Variants in ZDHHC21 observed in about 807,000 individuals in gnomAD.
ZDHHC21 encodes zDHHC palmitoyltransferase 21, also known as palmitoyltransferase ZDHHC21.
ZDHHC21 carries 15 observed loss-of-function variants against 34.6 expected under a neutral mutation model. The observed-to-expected ratio is 0.43, with a 90% CI of 0.29 to 0.67. The LOEUF (loss-of-function observed/expected upper bound fraction) is 0.67. ZDHHC21 is among the 30% of genes least tolerant of loss of function. The pLI is 0.14. For synonymous variants in ZDHHC21, 142 were observed against 101.8 expected (o/e 1.40, Z -2.38); for missense variants, 344 against 327.7 (o/e 1.05, Z -0.38).
Position 14,619,104 on chromosome 9 carries a change from G to C in ZDHHC21, c.666-6C>G. On this transcript the variant is annotated splice_region_variant and splice_polypyrimidine_tract_variant and intron_variant, in intron 9 of 9. Transcript: ENST00000380916. ...ATGGCTTTCGGGGCCTCGATCTACA[G>C]AAGACAGCATTATTAGTGAAAGACA... 1 of 1,603,160 alleles carries C rather than the reference G, an allele frequency of 6.2e-7. No homozygotes were observed. Among genetic ancestry groups the C allele is most frequent in the Non-Finnish European group, 8.5e-7 (1 of 1,175,306 alleles).
intron 3 of ZDHHC21, among the ~76,000 whole-genome samples, chr9:14,679,637 C>A (rs1837026751): frequency 6.6e-6 from 1 of 152,056 alleles, no homozygotes; most frequent in Non-Finnish European, 1.5e-5. Context: ...TTTCAATTAA[C>A]TTAAAAATAA....
At chr9:14,603,723 TTATC>T in the ZDHHC21 span, among the ~76,000 whole-genome samples, 2 of 152,260 alleles carry the variant, frequency 1.3e-5, no homozygotes, top group Non-Finnish European at 2.9e-5. Context: ...CTTTACAAAT[TTATC>T]TACCTGTGAA....
At chr9:14,619,254 T>C (rs1199487223) in intron 9 of ZDHHC21, among the ~76,000 whole-genome samples, 156 bp from the exon 10 acceptor site, 2 of 152,142 alleles carry the variant, frequency 1.3e-5, no homozygotes, top group Admixed American at 6.6e-5. Context: ...GGCATGCAGC[T>C]GAGTTTTAAC....
At chr9:14,598,695 A>T in the ZDHHC21 span, among the ~76,000 whole-genome samples, 1 of 152,178 alleles carries the variant, frequency 6.6e-6, no homozygotes, top group South Asian at 2.1e-4. Flanking sequence ...TACAAAAAAT[A>T]GAAAAGCAAT....
intron 2 of ZDHHC21, among the ~76,000 whole-genome samples, chr9:14,684,437 G>T (rs915516823): frequency 6.9e-6 from 1 of 145,614 alleles, no homozygotes; most frequent in South Asian, 2.3e-4. Flanking sequence ...AATCATGAGT[G>T]AACTCCCATT....
At chr9:14,624,874 A>T (rs555099868) in intron 8 of ZDHHC21, among the ~76,000 whole-genome samples, 8 of 152,194 alleles carry the variant, frequency 5.3e-5, no homozygotes, top group African/African-American at 1.9e-4. Flanking sequence ...TCATTACATT[A>T]TGTATACAAA....
intron 3 of ZDHHC21, among the ~76,000 whole-genome samples, chr9:14,678,012 C>T (rs1044673059): frequency 6.6e-6 from 1 of 152,050 alleles, no homozygotes; most frequent in African/African-American, 2.4e-5. Context: ...TTCACCTTAG[C>T]CTAAGCGGTC....
At chr9:14,674,612 A>C (rs1162893861) in intron 3 of ZDHHC21, among the ~76,000 whole-genome samples, 1 of 152,036 alleles carries the variant, frequency 6.6e-6, no homozygotes, top group Non-Finnish European at 1.5e-5. Flanking sequence ...CATAAGCTTC[A>C]AATAATTTCA....
the ZDHHC21 span, among the ~76,000 whole-genome samples, chr9:14,598,035 C>A: frequency 9.5e-4 from 144 of 152,278 alleles, 2 homozygotes; most frequent in African/African-American, 3.4e-3. Context: ...ACCACCACTA[C>A]TGGCATTATC....
At chr9:14,679,030 G>C (rs544545462) in intron 3 of ZDHHC21, among the ~76,000 whole-genome samples, 2 of 152,098 alleles carry the variant, frequency 1.3e-5, no homozygotes, top group Non-Finnish European at 1.5e-5. Flanking sequence ...GGAACTCTCT[G>C]TGGTGCTAAC....
chr9:14,668,520 C>G (rs1352501421), intron 5 of ZDHHC21, among the ~76,000 whole-genome samples: 1 of 134,972 alleles, frequency 7.4e-6, no homozygotes, highest in African/African-American at 2.9e-5. Context: ...TCATATGGAA[C>G]CAAAAAAGAG....
At chr9:14,685,489 C>G (rs970103571) in intron 2 of ZDHHC21, among the ~76,000 whole-genome samples, 6 of 151,690 alleles carry the variant, frequency 4.0e-5, no homozygotes, top group East Asian at 1.9e-4. Context: ...AAATGCAAAT[C>G]AAAACCACAA....
At chr9:14,659,850 G>A (rs1587235178) in intron 6 of ZDHHC21, among the ~76,000 whole-genome samples, 1 of 152,168 alleles carries the variant, frequency 6.6e-6, no homozygotes, top group South Asian at 2.1e-4. Context: ...TTTGCAAGCA[G>A]GATTATAAGA....
chr9:14,600,829 G>A, the ZDHHC21 span, among the ~76,000 whole-genome samples: 1 of 152,070 alleles, frequency 6.6e-6, no homozygotes, highest in Non-Finnish European at 1.5e-5. Flanking sequence ...CAGAACAGAG[G>A]CCTCAGAAAC....
chr9:14,688,768 A>T (rs963716337), intron 2 of ZDHHC21, among the ~76,000 whole-genome samples: 5 of 152,226 alleles, frequency 3.3e-5, no homozygotes, highest in African/African-American at 1.2e-4. Context: ...AGGCTGAGAC[A>T]GGAGAATTGC....
Position 14,653,211 on chromosome 9 carries a change from A to G in ZDHHC21, c.504+5538T>C, listed in dbSNP as rs192708335. 3.1e-3 allele frequency among the ~76,000 whole-genome samples: 472 copies of G among 152,122 alleles called. 2 individuals are homozygous for G. The highest frequency in any genetic ancestry group is 3.7e-3 in the South Asian group (18 of 4,818). The stretch of plus-strand genomic sequence containing the variant: ...TATTCACACATAGTTTTATACACAT[A>G]ATCAACAGCTGGATACAGATTTTTG... On this transcript the variant is annotated intron_variant, in intron 7 of 9. Coordinates refer to ENST00000380916, the MANE Select transcript of ZDHHC21 (RefSeq NM_178566.6).
intron 5 of ZDHHC21, among the ~76,000 whole-genome samples, chr9:14,664,360 G>A (rs1201547329): frequency 6.6e-6 from 1 of 151,536 alleles, no homozygotes; most frequent in Non-Finnish European, 1.5e-5. Flanking sequence ...AGGGTCCTAT[G>A]CCCACGGAGT....
chr9:14,674,783 A>G (rs1836066565), intron 3 of ZDHHC21, among the ~76,000 whole-genome samples: 1 of 152,022 alleles, frequency 6.6e-6, no homozygotes, highest in Non-Finnish European at 1.5e-5. Flanking sequence ...AGTAGCTTTA[A>G]TCAGAAGACT....
chr9:14,661,134 A>G (rs952873102), intron 6 of ZDHHC21, among the ~76,000 whole-genome samples: 2 of 152,178 alleles, frequency 1.3e-5, no homozygotes, highest in African/African-American at 4.8e-5. Context: ...AGATTTAGAA[A>G]TTTTTAAAAT....
Sources: allele counts gnomAD v4.1 joint callset (sites outside exome capture counted in the v4.1 genomes callset), GRCh38; gene constraint gnomAD v4.1.1; transcripts MANE v1.5; gene names NCBI Gene and HGNC (gene_info 2026-07-23, HGNC 2026-07-21).